Variants in CREG2 observed in about 807,000 individuals in gnomAD.
CREG2 encodes protein CREG2.
In CREG2, 24 loss-of-function variants were observed where a neutral mutation model predicts 26.2. That is an observed-to-expected ratio of 0.92 (90% CI 0.66 to 1.29). The LOEUF (loss-of-function observed/expected upper bound fraction) is 1.29, where lower values mean the gene tolerates loss of function less well. Among genes scored for constraint, CREG2 ranks in the 50% most tolerant of loss-of-function variants. CREG2 has a pLI of 0.00. For synonymous variants in CREG2, 174 were observed against 169.2 expected (o/e 1.03, Z -0.22); for missense variants, 366 against 398.6 (o/e 0.92, Z 0.70).
At chr2:101,357,864 C>G (rs1018265844) in intron 2 of CREG2, among the ~76,000 whole-genome samples, 7 of 151,288 alleles carry the variant, frequency 4.6e-5, no homozygotes, top group Admixed American at 4.6e-4. Context: ...TACCTCCCAG[C>G]TACTTGGGAG....
chr2:101,371,124 A>G (rs1353818862), intron 2 of CREG2, among the ~76,000 whole-genome samples: 1 of 152,130 alleles, frequency 6.6e-6, no homozygotes, highest in East Asian at 1.9e-4. Context: ...GAATAGACCC[A>G]TGACCCCTGC....
At chr2:101,382,224 C>T (rs1197687161) in intron 2 of CREG2, 1 of 152,282 alleles carries the variant, frequency 6.6e-6, no homozygotes, top group Admixed American at 6.6e-5. Flanking sequence ...TTGAGACCAG[C>T]CTGGTCAACA....
At chr2:101,366,761 G>T (rs906817265) in intron 2 of CREG2, among the ~76,000 whole-genome samples, 23 of 152,158 alleles carry the variant, frequency 1.5e-4, no homozygotes, top group African/African-American at 4.8e-4. Context: ...GATGGAGGTT[G>T]CAGTGAGCCG....
chr2:101,386,975 C>G, intron 1 of CREG2, 42 bp downstream of exon 1: 1 of 1,230,842 alleles, frequency 8.1e-7, no homozygotes, highest in Admixed American at 4.2e-5. Flanking sequence ...CCGGCCGCCG[C>G]CTGAATGCCA....
intron 2 of CREG2, among the ~76,000 whole-genome samples, chr2:101,381,507 C>T (rs886270535): frequency 1.4e-4 from 21 of 152,198 alleles, no homozygotes; most frequent in African/African-American, 4.8e-4. Flanking sequence ...GTGACAAAAG[C>T]CCCATTGCTT....
chr2:101,366,562 C>T (rs556182125), intron 2 of CREG2, among the ~76,000 whole-genome samples: 2 of 152,262 alleles, frequency 1.3e-5, no homozygotes, highest in African/African-American at 2.4e-5. Flanking sequence ...GTGGCTCATG[C>T]CTGTAATCCC....
At chr2:101,386,692 C>T (rs1186380147) in intron 1 of CREG2, among the ~76,000 whole-genome samples, 1 of 152,136 alleles carries the variant, frequency 6.6e-6, no homozygotes, top group Non-Finnish European at 1.5e-5. Flanking sequence ...GCGTCTGTGG[C>T]TGCTCTGGTC....
intron 2 of CREG2, among the ~76,000 whole-genome samples, chr2:101,360,660 C>T (rs1684526443): frequency 1.3e-5 from 2 of 151,802 alleles, no homozygotes; most frequent in Admixed American, 6.6e-5. Flanking sequence ...ATAGCTTGAA[C>T]CTGGGAGACG....
At chr2:101,379,404 C>T (rs1456816851) in intron 2 of CREG2, among the ~76,000 whole-genome samples, 2 of 152,224 alleles carry the variant, frequency 1.3e-5, no homozygotes, top group Non-Finnish European at 2.9e-5. Flanking sequence ...ATTGGCTTCT[C>T]ACGGCTGTGG....
At position 101,387,143 on chromosome 2, in the gene CREG2, G is replaced by A; in HGVS notation, c.315C>T (p.Ser105=). Reference sequence around the variant, plus strand: ...CCGTCTGGCCGCCCTCGCGCCGGTAGGAGAACATCCCGGGTGGCGCGGGGG... The same window carrying A: ...CCGTCTGGCCGCCCTCGCGCCGGTAAGAGAACATCCCGGGTGGCGCGGGGG... ...RPPPAPPGMF[S]YRREGGQTAS... Residue 105 remains serine (S), a synonymous_variant, in exon 1 of 4, where the codon TCC becomes TCT. Coordinates refer to ENST00000324768, the MANE Select transcript of CREG2 (RefSeq NM_153836.4). The surrounding 1 kb of genome is among the most constrained non-coding windows in gnomAD (Gnocchi z 4.7). The A allele has an allele frequency of 8.0e-7, 1 of 1,256,110 alleles. No individual in the cohort carries two copies. Among genetic ancestry groups the A allele is most frequent in the Non-Finnish European group, 1.0e-6 (1 of 1,000,778 alleles). The allele number at this position is 1,256,110 out of a possible 1,614,324, so 77.8% of individuals were successfully genotyped here.
intron 2 of CREG2, among the ~76,000 whole-genome samples, chr2:101,378,005 T>G (rs1399664782): frequency 6.6e-6 from 1 of 152,212 alleles, no homozygotes; most frequent in Non-Finnish European, 1.5e-5. Flanking sequence ...ATATATTGTG[T>G]GAGCATGGCC....
At chr2:101,384,688 C>G (rs1263980353) in intron 1 of CREG2, among the ~76,000 whole-genome samples, 1 of 152,122 alleles carries the variant, frequency 6.6e-6, no homozygotes, top group Admixed American at 6.5e-5. Context: ...AGACCCCCAT[C>G]CCTACAAAAA....
At chr2:101,372,031 G>T (rs1684715643) in intron 2 of CREG2, among the ~76,000 whole-genome samples, 1 of 152,212 alleles carries the variant, frequency 6.6e-6, no homozygotes, top group Non-Finnish European at 1.5e-5. Flanking sequence ...GTCAGGTTGG[G>T]CAGGAGCTGG....
At chr2:101,378,575 T>C (rs1345853680) in intron 2 of CREG2, among the ~76,000 whole-genome samples, 1 of 152,218 alleles carries the variant, frequency 6.6e-6, no homozygotes, top group African/African-American at 2.4e-5. Context: ...TGTGCTCACC[T>C]ATTCCTTCTT....
At chr2:101,351,725 C>T (rs1335970443) in intron 3 of CREG2, among the ~76,000 whole-genome samples, 6 of 152,044 alleles carry the variant, frequency 3.9e-5, no homozygotes, top group Non-Finnish European at 8.8e-5. Context: ...GCTGCAGTAT[C>T]GTTGAGGGCA....
chr2:101,346,885 CAACCA>C lies in CREG2; in HGVS notation c.*4033_*4037del, dbSNP rs1684315416. ...CTTGCTAAACTACAGTACAATATCCCAACCAGGATTTTCACATTGATTTGGTCAAG... is the reference window on the plus strand; with the variant it reads ...CTTGCTAAACTACAGTACAATATCCCGGATTTTCACATTGATTTGGTCAAG... On this transcript the variant is annotated 3_prime_UTR_variant, in exon 4 of 4. Transcript: ENST00000324768. 6.6e-6 allele frequency: 1 copy of C among 152,174 alleles called. No homozygotes were observed. Among genetic ancestry groups the C allele is most frequent in the Admixed American group, 6.5e-5 (1 of 15,276 alleles). 9.4% of individuals were successfully genotyped at this position (152,174 alleles called of 1,614,324 possible). A position where few individuals can be genotyped will look rare whatever the true frequency, so the allele number is the denominator to read the frequency against.
intron 2 of CREG2, among the ~76,000 whole-genome samples, chr2:101,364,066 C>T (rs1429601805): frequency 6.6e-6 from 1 of 152,132 alleles, no homozygotes; most frequent in Non-Finnish European, 1.5e-5. Flanking sequence ...TCTCCTTGCA[C>T]TTGGTTGGCA....
intron 2 of CREG2, among the ~76,000 whole-genome samples, chr2:101,374,375 AAAC>A (rs1365458479): frequency 2.6e-5 from 4 of 152,218 alleles, no homozygotes; most frequent in African/African-American, 9.6e-5. Context: ...AGACTGTCTC[AAAC>A]AACAACAACA....
At chr2:101,382,570 C>T in intron 2 of CREG2, 3 of 985,344 alleles carry the variant, frequency 3.0e-6, no homozygotes, top group Non-Finnish European at 3.6e-6. Flanking sequence ...TTGCTGTAAC[C>T]TGGTGGGGAA....
Sources: gnomAD v4.1 joint callset for allele counts (sites outside exome capture counted in the v4.1 genomes callset) on GRCh38, gnomAD v4.1.1 for gene constraint, Gnocchi (gnomAD v3.1) non-coding constraint, MANE v1.5 for transcripts, NCBI Gene and HGNC (gene_info 2026-07-23, HGNC 2026-07-21) for gene names.